XPNPEP3: variants seen among roughly 807,000 people sequenced by gnomAD.
The protein encoded by XPNPEP3 is xaa-Pro aminopeptidase 3.
In XPNPEP3, 41 loss-of-function variants were observed where a neutral mutation model predicts 60.0. The ratio of observed to expected loss-of-function variants is 0.68; its 90% confidence interval spans 0.53 to 0.89. The LOEUF (loss-of-function observed/expected upper bound fraction) is 0.89, where lower values mean the gene tolerates loss of function less well. XPNPEP3 is among the 40% of genes least tolerant of loss of function. The probability of loss-of-function intolerance (pLI) is 0.00; values close to 1 mark genes in which losing one functional copy is unlikely to be tolerated. For missense variants in XPNPEP3, 598 were observed against 638.9 expected, an observed-to-expected ratio of 0.94 and a Z score of 0.69; for synonymous variants, 212 against 223.2, an observed-to-expected ratio of 0.95 and a Z score of 0.45.
At chr22:40,871,198 A>G (rs974547756) in intron 2 of XPNPEP3, among the ~76,000 whole-genome samples, 1 of 152,126 alleles carries the variant, frequency 6.6e-6, no homozygotes, top group African/African-American at 2.4e-5. Context: ...CCCTGTCTCT[A>G]TAAGAAATAA....
At chr22:40,859,047 C>T (rs1315730866) in intron 1 of XPNPEP3, among the ~76,000 whole-genome samples, 1 of 152,204 alleles carries the variant, frequency 6.6e-6, no homozygotes, top group Non-Finnish European at 1.5e-5. Flanking sequence ...TGAGCCACTG[C>T]ACCCAGCCCT....
In XPNPEP3 at chr22:40,926,880, G is replaced by T; in HGVS notation, c.*445G>T. 4.1e-6 allele frequency: 1 copy of T among 245,284 alleles called. No homozygotes were observed. The highest frequency in any genetic ancestry group is 2.3e-5 in the African/African-American group (1 of 43,196). 15.2% of individuals were successfully genotyped at this position (245,284 alleles called of 1,614,324 possible). A position where few individuals can be genotyped will look rare whatever the true frequency, so the allele number is the denominator to read the frequency against. ...TTTTTAGCTAATTACCAAGGTCTCT[G>T]CCTATGCAAAAATTCATCTTTCGGT... On this transcript the variant is annotated 3_prime_UTR_variant, in exon 10 of 10. Transcript: ENST00000357137.
At chr22:40,923,594 G>A (rs961444538) in intron 8 of XPNPEP3, among the ~76,000 whole-genome samples, 2 of 152,108 alleles carry the variant, frequency 1.3e-5, no homozygotes, top group Non-Finnish European at 1.5e-5. Context: ...GCTCACACCT[G>A]TAATCCCAGC....
At chr22:40,869,318 A>G (rs553708747) in intron 2 of XPNPEP3, among the ~76,000 whole-genome samples, 2 of 152,316 alleles carry the variant, frequency 1.3e-5, no homozygotes, top group South Asian at 4.1e-4. Flanking sequence ...ATTAATTTAA[A>G]TTTAAGCTTA....
chr22:40,914,365 G>A, intron 7 of XPNPEP3, 41 bp downstream of exon 7: 1 of 1,523,160 alleles, frequency 6.6e-7, no homozygotes, highest in Non-Finnish European at 9.1e-7. Flanking sequence ...TGCTTCTTAG[G>A]AGTATGAGTT....
chr22:40,905,685 A>G (rs2058152028), intron 4 of XPNPEP3, among the ~76,000 whole-genome samples: 1 of 152,222 alleles, frequency 6.6e-6, no homozygotes, highest in Non-Finnish European at 1.5e-5. Flanking sequence ...AAAGATTTGA[A>G]TGAAGAAAGG....
At position 40,904,275 on chromosome 22, in the gene XPNPEP3, G is replaced by A. The variant is rs1034977540; in HGVS notation, c.793-3312G>A. ...GCTCTGTAAAGAAATTGACTCATAG[G>A]AGGCACATTCCTTACAAAAAGAAGT... On this transcript the variant is annotated intron_variant, in intron 4 of 9. Transcript: ENST00000357137. Among the ~76,000 whole-genome samples the A allele has an allele frequency of 1.0e-3, 155 of 152,276 alleles. 2 individuals carry two copies. The highest frequency in any genetic ancestry group is 5.9e-5 in the Non-Finnish European group (4 of 68,014).
intron 1 of XPNPEP3, 123 bp from the exon 2 acceptor site, chr22:40,868,876 G>A: frequency 1.3e-6 from 1 of 793,668 alleles, no homozygotes; most frequent in Non-Finnish European, 2.2e-6. Context: ...TTGAAGGAGA[G>A]AAGGAAGGAA....
chr22:40,916,277 G>T (rs939932793), intron 7 of XPNPEP3, among the ~76,000 whole-genome samples: 7 of 151,704 alleles, frequency 4.6e-5, no homozygotes, highest in African/African-American at 1.5e-4. Flanking sequence ...GGGCGACAGA[G>T]TGAGACTCCA....
chr22:40,894,034 A>C, intron 4 of XPNPEP3, among the ~76,000 whole-genome samples: 1 of 152,128 alleles, frequency 6.6e-6, no homozygotes, highest in Non-Finnish European at 1.5e-5. Context: ...AACGCCAGAC[A>C]TGGTGATGAT....
intron 8 of XPNPEP3, among the ~76,000 whole-genome samples, 175 bp from the exon 9 acceptor site, chr22:40,924,187 A>T (rs937321936): frequency 6.6e-6 from 1 of 152,180 alleles, no homozygotes; most frequent in African/African-American, 2.4e-5. Context: ...GCAGAATTGC[A>T]TGTAAGAGGT....
At position 40,922,150 on chromosome 22, in the gene XPNPEP3, C is replaced by T. The variant is rs114264650; in HGVS notation, c.1056-183C>T. On this transcript the variant is annotated intron_variant, in intron 7 of 9. Coordinates refer to ENST00000357137, the MANE Select transcript of XPNPEP3 (RefSeq NM_022098.4). Reference sequence around the variant, plus strand: ...TGCTCCAGCTTGAAGGATTGTTGCCCTTCCTACTGAGCACCTAGGACATGA... The same window carrying T: ...TGCTCCAGCTTGAAGGATTGTTGCCTTTCCTACTGAGCACCTAGGACATGA... Among the ~76,000 whole-genome samples, 2,560 of 152,164 alleles carry T rather than the reference C, an allele frequency of 0.017. 77 individuals are homozygous for T. Among genetic ancestry groups the T allele is most frequent in the African/African-American group, 0.059 (2,466 of 41,482 alleles).
At chr22:40,861,428 A>C in intron 1 of XPNPEP3, 1 of 1,613,818 alleles carries the variant, frequency 6.2e-7, no homozygotes, top group Non-Finnish European at 8.5e-7. Flanking sequence ...TTTTGTCTGA[A>C]GTTGTAACAG....
intron 4 of XPNPEP3, among the ~76,000 whole-genome samples, chr22:40,904,073 G>A (rs2058145307): frequency 6.6e-6 from 1 of 152,120 alleles, no homozygotes; most frequent in Non-Finnish European, 1.5e-5. Flanking sequence ...AAACATTCAG[G>A]TAGCACTTAG....
chr22:40,915,135 T>A (rs1199259641), intron 7 of XPNPEP3, among the ~76,000 whole-genome samples: 6 of 146,628 alleles, frequency 4.1e-5, no homozygotes, highest in Non-Finnish European at 7.4e-5. Flanking sequence ...CACTGCTAGC[T>A]CCACCTCCCA....
intron 4 of XPNPEP3, among the ~76,000 whole-genome samples, chr22:40,891,179 CAAA>C (rs989825018): frequency 6.8e-5 from 3 of 43,944 alleles, no homozygotes; most frequent in Non-Finnish European, 8.8e-5. Context: ...CCCATTTCTA[CAAA>C]AAAAAAAAAA....
rs553386471 is a variant in XPNPEP3 at position 40,859,233 on chromosome 22, G to A, written c.64+1988G>A. On this transcript the variant is annotated intron_variant, in intron 1 of 9. Coordinates refer to ENST00000357137, the MANE Select transcript of XPNPEP3 (RefSeq NM_022098.4). ...GTACAAGGAGCTGATAGGAAATCAAGTTGGGAAAAAAGCTGGTGGCTGGCT... is the reference window on the plus strand; with the variant it reads ...GTACAAGGAGCTGATAGGAAATCAAATTGGGAAAAAAGCTGGTGGCTGGCT... Among the ~76,000 whole-genome samples, 187 of 152,326 alleles carry A rather than the reference G, an allele frequency of 1.2e-3. 2 individuals carry two copies. Among genetic ancestry groups the A allele is most frequent in the African/African-American group, 4.4e-3 (184 of 41,562 alleles).
chr22:40,924,022 AT>A (rs375122660), intron 8 of XPNPEP3, among the ~76,000 whole-genome samples: 37 of 151,602 alleles, frequency 2.4e-4, no homozygotes, highest in Admixed American at 7.2e-4. Context: ...AAGAAAAGAG[AT>A]TTTTTTTTCT....
intron 4 of XPNPEP3, among the ~76,000 whole-genome samples, chr22:40,904,297 A>C (rs1254864326): frequency 6.6e-6 from 1 of 152,234 alleles, no homozygotes; most frequent in African/African-American, 2.4e-5. Context: ...TTACAAAAAG[A>C]AGTAAAGCAA....
Sources: allele counts gnomAD v4.1 joint callset (sites outside exome capture counted in the v4.1 genomes callset), GRCh38; gene constraint gnomAD v4.1.1; transcripts MANE v1.5; gene names NCBI Gene and HGNC (gene_info 2026-07-23, HGNC 2026-07-21).